Variants in FRAS1 observed in about 807,000 individuals in gnomAD.
The protein encoded by FRAS1 is Fraser extracellular matrix complex subunit 1.
FRAS1 carries 290 observed loss-of-function variants against 435.2 expected under a neutral mutation model. The observed-to-expected ratio is 0.67, with a 90% CI of 0.61 to 0.73. FRAS1 has a LOEUF of 0.73. FRAS1 is among the 30% of genes least tolerant of loss of function. FRAS1 has a pLI of 0.00. For missense variants in FRAS1, 4,860 were observed against 5,001.5 expected (o/e 0.97, Z 0.85); for synonymous variants, 1,800 against 1,851.0 (o/e 0.97, Z 0.71).
intron 70 of FRAS1, among the ~76,000 whole-genome samples, chr4:78,530,729 TTGGTTAC>T (rs1721685657): frequency 6.6e-6 from 1 of 152,192 alleles, no homozygotes; most frequent in East Asian, 1.9e-4. Flanking sequence ...CCATGCTGTT[TTGGTTAC>T]TGTAGCCTTG....
chr4:78,210,894 G>A (rs947926770), intron 2 of FRAS1, among the ~76,000 whole-genome samples: 11 of 152,162 alleles, frequency 7.2e-5, no homozygotes, highest in African/African-American at 2.7e-4. Flanking sequence ...TTTCTTCCTG[G>A]TTGTGCAATG....
At chr4:78,073,911 A>G (rs1740490339) in intron 2 of FRAS1, among the ~76,000 whole-genome samples, 1 of 152,206 alleles carries the variant, frequency 6.6e-6, no homozygotes, top group Non-Finnish European at 1.5e-5. Flanking sequence ...TTTTATGTAA[A>G]AGAGGCATAT....
At chr4:78,185,267 G>A (rs1177066683) in intron 2 of FRAS1, among the ~76,000 whole-genome samples, 1 of 152,200 alleles carries the variant, frequency 6.6e-6, no homozygotes, top group Non-Finnish European at 1.5e-5. Flanking sequence ...AGAGTGAAAG[G>A]CAAGTCAACT....
Position 78,218,098 on chromosome 4 carries a change from T to TCTCTCTCACACA in FRAS1, c.109-19411_109-19410insTCTCTCACACAC, listed in dbSNP as rs368430185. 1.8e-4 allele frequency among the ~76,000 whole-genome samples: 7 copies of TCTCTCTCACACA among 39,728 alleles called. 1 individual carries two copies. Among genetic ancestry groups the TCTCTCTCACACA allele is most frequent in the Admixed American group, 8.0e-4 (2 of 2,486 alleles). The allele number at this position is 39,728 out of a possible 152,430, so 26.1% of individuals were successfully genotyped here. A position where few individuals can be genotyped will look rare whatever the true frequency, so the allele number is the denominator to read the frequency against. ...CCTTCTCTCTCTCTCTCACTCTCTCTCACACACACACACACACACACACAC... is the reference window on the plus strand; with the variant it reads ...CCTTCTCTCTCTCTCTCACTCTCTCTCTCTCTCACACACACACACACACACACACACACACAC... On this transcript the variant is annotated intron_variant, in intron 2 of 73. Transcript: ENST00000512123.
chr4:78,325,305 T>C (rs981804367), intron 18 of FRAS1, among the ~76,000 whole-genome samples: 3 of 152,206 alleles, frequency 2.0e-5, no homozygotes, highest in Non-Finnish European at 4.4e-5. Context: ...ATTAACTTGG[T>C]TTAGGTGAAT....
At chr4:78,242,911 T>C (rs1725068340) in intron 3 of FRAS1, among the ~76,000 whole-genome samples, 1 of 152,204 alleles carries the variant, frequency 6.6e-6, no homozygotes, top group African/African-American at 2.4e-5. Flanking sequence ...TATATCCGTA[T>C]CTTATATTCA....
intron 50 of FRAS1, among the ~76,000 whole-genome samples, chr4:78,469,539 C>T (rs1356497326): frequency 6.6e-6 from 1 of 152,084 alleles, no homozygotes; most frequent in Non-Finnish European, 1.5e-5. Context: ...GGCATAATCC[C>T]ACCTAGAAAT....
At chr4:78,417,018 A>G (rs1014775135) in intron 32 of FRAS1, among the ~76,000 whole-genome samples, 2 of 152,204 alleles carry the variant, frequency 1.3e-5, no homozygotes, top group Non-Finnish European at 2.9e-5. Context: ...TGTCTTTTGC[A>G]ATGATTTCTA....
At chr4:78,307,353 A>C (rs1159532918) in intron 14 of FRAS1, among the ~76,000 whole-genome samples, 10 of 152,200 alleles carry the variant, frequency 6.6e-5, no homozygotes, top group Admixed American at 6.5e-4. Context: ...TGGAGCCTAT[A>C]GAGGCAGGCA....
intron 6 of FRAS1, among the ~76,000 whole-genome samples, chr4:78,261,232 G>A (rs1156295282): frequency 6.6e-6 from 1 of 151,848 alleles, no homozygotes; most frequent in South Asian, 2.1e-4. Flanking sequence ...TTTTTATCCT[G>A]TTGATTTTTT....
chr4:78,211,648 C>A (rs1166354371), intron 2 of FRAS1, among the ~76,000 whole-genome samples: 1 of 152,092 alleles, frequency 6.6e-6, no homozygotes, highest in Non-Finnish European at 1.5e-5. Flanking sequence ...TGGACTTGAG[C>A]TCAAGTAAAG....
rs778465140 is a variant in FRAS1 at position 78,439,055 on chromosome 4, C to T, written c.5520C>T (p.Asp1840=). Residue 1840 remains aspartate, a synonymous_variant, in exon 40 of 74, where the codon GAC becomes GAT. Coordinates refer to ENST00000512123, the MANE Select transcript of FRAS1 (RefSeq NM_025074.7). The part of the protein sequence containing the change: ...ENPPPVIAFA[D]LITVDEGGRA... ...CACCTCCAGTCATTGCTTTTGCTGA[C>T]CTTATCACGGTAAACAATTCTCAGA... is the stretch of plus-strand genomic sequence containing the variant. 1.9e-6 allele frequency: 3 copies of T among 1,612,540 alleles called. No individual in the cohort carries two copies. The highest frequency in any genetic ancestry group is 2.2e-5 in the South Asian group (2 of 90,954).
At chr4:78,417,693 A>G (rs1290282054) in intron 32 of FRAS1, among the ~76,000 whole-genome samples, 1 of 152,160 alleles carries the variant, frequency 6.6e-6, no homozygotes, top group Non-Finnish European at 1.5e-5. Flanking sequence ...CGCCTTGGGG[A>G]CAATTACAAA....
chr4:78,281,088 T>G (rs1386147840), intron 10 of FRAS1, among the ~76,000 whole-genome samples: 1 of 152,240 alleles, frequency 6.6e-6, no homozygotes. Context: ...TCTGGCACCA[T>G]GCAAAATTCA....
Position 78,091,926 on chromosome 4 carries a change from C to T in FRAS1, c.108+25910C>T, listed in dbSNP as rs374780754. 2.6e-3 allele frequency among the ~76,000 whole-genome samples: 325 copies of T among 123,868 alleles called. 1 individual carries two copies. Among genetic ancestry groups the T allele is most frequent in the African/African-American group, 8.1e-3 (268 of 32,912 alleles). 81.3% of individuals were successfully genotyped at this position (123,868 alleles called of 152,430 possible). ...ACTTAGGAGGCTAAGATAGGAGGATCGGTTGAGTCCAGAAGTTTGAGACCA... is the reference window on the plus strand; with the variant it reads ...ACTTAGGAGGCTAAGATAGGAGGATTGGTTGAGTCCAGAAGTTTGAGACCA... On this transcript the variant is annotated intron_variant, in intron 2 of 73. Coordinates refer to ENST00000512123, the MANE Select transcript of FRAS1 (RefSeq NM_025074.7).
intron 59 of FRAS1, among the ~76,000 whole-genome samples, chr4:78,494,564 G>A (rs1720456157): frequency 6.6e-6 from 1 of 152,162 alleles, no homozygotes; most frequent in Non-Finnish European, 1.5e-5. Flanking sequence ...ATTCAATCCT[G>A]TGAGAATGGC....
At chr4:78,134,761 C>T (rs535250197) in intron 2 of FRAS1, among the ~76,000 whole-genome samples, 45 of 152,108 alleles carry the variant, frequency 3.0e-4, no homozygotes, top group Middle Eastern at 3.4e-3. Context: ...ACTATATATG[C>T]ATTATCTCAT....
chr4:78,325,839 T>C (rs1729696142), intron 18 of FRAS1, among the ~76,000 whole-genome samples: 1 of 152,172 alleles, frequency 6.6e-6, no homozygotes, highest in Non-Finnish European at 1.5e-5. Flanking sequence ...GGGAAAACTT[T>C]CTATGATTAA....
chr4:78,519,350 C>A lies in FRAS1; in HGVS notation c.10409C>A (p.Ser3470Tyr). 1.3e-6 allele frequency: 2 copies of A among 1,570,010 alleles called. No homozygotes were observed. Among genetic ancestry groups the A allele is most frequent in the South Asian group, 1.2e-5 (1 of 82,794 alleles). ...ADFQVRDSAQ[S>Y]FLTVHVPLYV... ...CGGCAGGTGAGGGACTCTGCCCAGT[C>A]CTTCTTGACAGTGCACGTGCCTCTA... Residue 3470 changes from serine (S) to tyrosine (Y), a missense_variant, in exon 67 of 74, where the codon TCC becomes TAC. Physicochemically the swap from Ser to Tyr is moderately radical, Grantham distance 144. Coordinates refer to ENST00000512123, the MANE Select transcript of FRAS1 (RefSeq NM_025074.7).
Sources: allele counts gnomAD v4.1 joint callset (sites outside exome capture counted in the v4.1 genomes callset), GRCh38; gene constraint gnomAD v4.1.1; transcripts MANE v1.5; gene names NCBI Gene and HGNC (gene_info 2026-07-23, HGNC 2026-07-21).